The following IGHMBP2 variants were observed in gnomAD, a reference collection of about 807,000 sequenced individuals.
IGHMBP2 encodes immunoglobulin mu DNA binding protein 2.
A neutral mutation model predicts 96.0 loss-of-function variants in IGHMBP2; 81 were observed. The observed-to-expected ratio is 0.84, with a 90% CI of 0.71 to 1.01. The LOEUF (loss-of-function observed/expected upper bound fraction) is 1.01, where lower values mean the gene tolerates loss of function less well. Among genes scored for constraint, IGHMBP2 ranks in the 50% least tolerant of loss-of-function variants. The pLI is 0.00. For missense variants in IGHMBP2, 1,227 were observed against 1,306.3 expected, an observed-to-expected ratio of 0.94 and a Z score of 0.94; for synonymous variants, 557 against 548.9, an observed-to-expected ratio of 1.01 and a Z score of -0.21.
At chr11:68,935,227 T>A in intron 11 of IGHMBP2, 72 bp from the exon 12 acceptor site, 1 of 1,592,664 alleles carries the variant, frequency 6.3e-7, no homozygotes, top group Non-Finnish European at 8.6e-7. Flanking sequence ...GGCCCTCTGC[T>A]GAGCTGAAGG....
In IGHMBP2 at chr11:68,909,176, CG is replaced by C. The variant is rs1337523275; in HGVS notation, c.547+553del. Among the ~76,000 whole-genome samples the C allele has an allele frequency of 4.5e-3, 65 of 14,286 alleles. 1 individual carries two copies. The highest frequency in any genetic ancestry group is 0.016 in the Non-Finnish European group (55 of 3,390). 9.4% of individuals were successfully genotyped at this position (14,286 alleles called of 152,430 possible). A position where few individuals can be genotyped will look rare whatever the true frequency, so the allele number is the denominator to read the frequency against. Reference sequence around the variant, plus strand: ...TTTAGTTAAAAAAATTTTTTTTTGGCGGGGGGGGTGGAGGGGGGGGGCGGAT... The same window carrying C: ...TTTAGTTAAAAAAATTTTTTTTTGGCGGGGGGGTGGAGGGGGGGGGCGGAT... On this transcript the variant is annotated intron_variant, in intron 4 of 14. Transcript: ENST00000255078.
Position 68,929,364 on chromosome 11 carries a change from C to T in IGHMBP2, c.1235+7C>T, listed in dbSNP as rs776813722. ...CCACCACAGTCTCTCACAAGTAAGA[C>T]CCCTTTGCCTCACATGCCCTTCTCT... On this transcript the variant is annotated splice_region_variant and intron_variant, in intron 8 of 14. Coordinates refer to ENST00000255078, the MANE Select transcript of IGHMBP2 (RefSeq NM_002180.3). 25 of 1,612,186 alleles carry T rather than the reference C, an allele frequency of 1.6e-5. No individual in the cohort carries two copies. The highest frequency in any genetic ancestry group is 2.1e-5 in the Non-Finnish European group (25 of 1,179,588).
At chr11:68,905,200 C>T (rs1858140828) in intron 1 of IGHMBP2, among the ~76,000 whole-genome samples, 1 of 152,220 alleles carries the variant, frequency 6.6e-6, no homozygotes, top group Non-Finnish European at 1.5e-5. Context: ...GATTTGCTGT[C>T]AGGCAGTCTG....
At chr11:68,924,065 G>A (rs898580225) in intron 7 of IGHMBP2, among the ~76,000 whole-genome samples, 2 of 152,116 alleles carry the variant, frequency 1.3e-5, no homozygotes, top group African/African-American at 2.4e-5. Flanking sequence ...TTATTCAGGG[G>A]TTACTTTTCT....
chr11:68,931,587 G>A (rs1467606278), intron 8 of IGHMBP2, among the ~76,000 whole-genome samples: 6 of 152,108 alleles, frequency 3.9e-5, no homozygotes, highest in Non-Finnish European at 7.3e-5. Context: ...GGGCTGCAGC[G>A]GCCACTCTAC....
chr11:68,934,251 G>A (rs756238254), intron 10 of IGHMBP2: 1 of 651,324 alleles, frequency 1.5e-6, no homozygotes, highest in South Asian at 1.7e-5. Context: ...GGCCATAGGA[G>A]TCAAAAGGCC....
Position 68,936,918 on chromosome 11 carries a change from C to T in IGHMBP2, c.2438C>T (p.Ala813Val), listed in dbSNP as rs779854653. Residue 813 changes from alanine (A) to valine (V), a missense_variant, in exon 13 of 15, where the codon GCG becomes GTG. Transcript: ENST00000255078. ...APLQPVPPTP[A>V]QTEQPPREQR... is the part of the protein sequence containing the mutation. ...CTCCAGCCAGTGCCCCCTACCCCTG[C>T]GCAGACAGAGCAGCCTCCCAGGGAG... is the stretch of plus-strand genomic sequence containing the variant. 20 of 1,604,738 alleles carry T rather than the reference C, an allele frequency of 1.2e-5. No homozygotes were observed. Among genetic ancestry groups the T allele is most frequent in the South Asian group, 3.3e-5 (3 of 90,140 alleles).
At chr11:68,937,536 G>A (rs1594457704) in intron 13 of IGHMBP2, among the ~76,000 whole-genome samples, 1 of 152,256 alleles carries the variant, frequency 6.6e-6, no homozygotes, top group Non-Finnish European at 1.5e-5. Context: ...CTGGCTGAGC[G>A]CAAAACCATT....
At chr11:68,915,970 T>C (rs1858648753) in intron 6 of IGHMBP2, among the ~76,000 whole-genome samples, 1 of 150,534 alleles carries the variant, frequency 6.6e-6, no homozygotes. Flanking sequence ...GGTCAGGAGT[T>C]CGAGACCAGC....
chr11:68,938,451 C>G (rs996827674), intron 14 of IGHMBP2, 97 bp downstream of exon 14: 13 of 1,084,436 alleles, frequency 1.2e-5, no homozygotes, highest in Non-Finnish European at 1.7e-5. Flanking sequence ...CCAGTCGGAA[C>G]AGTTAGCTCC....
chr11:68,934,410 G>T, intron 10 of IGHMBP2, 54 bp from the exon 11 acceptor site: 1 of 1,279,476 alleles, frequency 7.8e-7, no homozygotes. Context: ...GTTGGTGGTG[G>T]ATGCCCACTT....
intron 8 of IGHMBP2, chr11:68,929,963 GCCC>G: frequency 1.9e-6 from 2 of 1,044,656 alleles, no homozygotes; most frequent in Non-Finnish European, 2.3e-6. Context: ...AGAAAGTGCT[GCCC>G]GCCCCCCCAG....
intron 6 of IGHMBP2, 142 bp downstream of exon 6, chr11:68,915,165 C>CTTTTT: frequency 3.8e-6 from 1 of 265,066 alleles, no homozygotes. Context: ...ATTGGGCTGC[C>CTTTTT]CTTTTTTTTT....
intron 7 of IGHMBP2, among the ~76,000 whole-genome samples, chr11:68,927,278 T>A (rs536261756): frequency 3.3e-5 from 5 of 152,154 alleles, no homozygotes; most frequent in Non-Finnish European, 7.4e-5. Context: ...AAAATCTGTA[T>A]TTTTTGTCTT....
At chr11:68,931,891 C>T (rs1859318402) in intron 8 of IGHMBP2, among the ~76,000 whole-genome samples, 1 of 151,952 alleles carries the variant, frequency 6.6e-6, no homozygotes, top group Non-Finnish European at 1.5e-5. Flanking sequence ...CGGGGGAAGA[C>T]GTTGGGTGGC....
chr11:68,935,608 G>GT (rs1266816700), intron 12 of IGHMBP2, among the ~76,000 whole-genome samples, 186 bp downstream of exon 12: 1 of 152,182 alleles, frequency 6.6e-6, no homozygotes, highest in African/African-American at 2.4e-5. Flanking sequence ...GCTCAGAGGC[G>GT]TGAGTGTGCT....
At chr11:68,920,517 G>C (rs1316631933) in intron 7 of IGHMBP2, among the ~76,000 whole-genome samples, 1 of 152,180 alleles carries the variant, frequency 6.6e-6, no homozygotes, top group Non-Finnish European at 1.5e-5. Context: ...GTCTCACTGT[G>C]TTACCCCTAA....
intron 7 of IGHMBP2, among the ~76,000 whole-genome samples, chr11:68,925,087 C>A (rs1594440196): frequency 6.6e-6 from 1 of 150,632 alleles, no homozygotes; most frequent in Non-Finnish European, 1.5e-5. Flanking sequence ...GCCTTAGAGT[C>A]TGTTTGCCAC....
At position 68,936,669 on chromosome 11, in the gene IGHMBP2, G is replaced by A. The variant is rs765230277; in HGVS notation, c.2189G>A (p.Arg730Gln). The A allele has an allele frequency of 2.0e-5, 32 of 1,613,818 alleles. No homozygotes were observed. The highest frequency in any genetic ancestry group is 4.0e-5 in the African/African-American group (3 of 74,938). Residue 730 changes from arginine (R) to glutamine (Q), a missense_variant, in exon 13 of 15, where the codon CGG becomes CAG. Physicochemically the swap from Arg to Gln is conservative, Grantham distance 43 (BLOSUM62 1). Coordinates refer to ENST00000255078, the MANE Select transcript of IGHMBP2 (RefSeq NM_002180.3). ...VESQDGVDHF[R>Q]AMIVEFMASK... Reference sequence around the variant, plus strand: ...AGCCAAGATGGCGTGGACCACTTCCGGGCCATGATAGTGGAGTTCATGGCC... The same window carrying A: ...AGCCAAGATGGCGTGGACCACTTCCAGGCCATGATAGTGGAGTTCATGGCC...
Sources: allele counts gnomAD v4.1 joint callset (sites outside exome capture counted in the v4.1 genomes callset), GRCh38; gene constraint gnomAD v4.1.1; transcripts MANE v1.5; gene names NCBI Gene and HGNC (gene_info 2026-07-23, HGNC 2026-07-21).